The following TRAPPC9 variants were observed in gnomAD, a reference collection of about 807,000 sequenced individuals.
The protein encoded by TRAPPC9 is trafficking protein particle complex subunit 9, also known as IKK2 binding protein.
TRAPPC9 carries 83 observed loss-of-function variants against 124.0 expected under a neutral mutation model. The observed-to-expected ratio is 0.67, with a 90% CI of 0.56 to 0.80. TRAPPC9 has a LOEUF of 0.80. Ranked by LOEUF, TRAPPC9 falls within the 30% of genes least tolerant of loss-of-function variation. The pLI is 0.00. For synonymous variants in TRAPPC9, 638 were observed against 617.5 expected (o/e 1.03, Z -0.49); for missense variants, 1,302 against 1,508.3 (o/e 0.86, Z 2.27).
chr8:139,781,496 T>C (rs1279085482), intron 21 of TRAPPC9, among the ~76,000 whole-genome samples: 2 of 152,228 alleles, frequency 1.3e-5, no homozygotes, highest in Non-Finnish European at 1.5e-5. Context: ...AGGCAGAGAA[T>C]AGAGGACATT....
At chr8:140,180,961 T>C (rs2062187327) in intron 17 of TRAPPC9, among the ~76,000 whole-genome samples, 2 of 152,206 alleles carry the variant, frequency 1.3e-5, no homozygotes, top group South Asian at 4.1e-4. Flanking sequence ...GATGTACTTG[T>C]TCAATTTAAG....
rs5895629 is a variant in TRAPPC9, at chr8:139,971,816, T to TATACACAC, written c.2810+16909_2810+16910insGTGTGTAT. 2.1e-4 allele frequency among the ~76,000 whole-genome samples: 31 copies of TATACACAC among 145,846 alleles called. No homozygotes were observed. The East Asian group carries it at 2.8e-3, about 13-fold the overall frequency. On this transcript the variant is annotated intron_variant, in intron 19 of 22. Coordinates refer to ENST00000438773, the MANE Select transcript of TRAPPC9 (RefSeq NM_001160372.4). The stretch of plus-strand genomic sequence containing the variant: ...ACATATATATATACATATATATATA[T>TATACACAC]ACACACACACACACAATTTTTTTTT...
intron 17 of TRAPPC9, among the ~76,000 whole-genome samples, chr8:140,078,020 C>T (rs1843609398): frequency 6.6e-6 from 1 of 152,116 alleles, no homozygotes; most frequent in South Asian, 2.1e-4. Flanking sequence ...AAACCAGTAA[C>T]ACTAGTAGAA....
At chr8:140,011,199 G>T (rs999527860) in intron 18 of TRAPPC9, among the ~76,000 whole-genome samples, 1 of 151,844 alleles carries the variant, frequency 6.6e-6, no homozygotes, top group Non-Finnish European at 1.5e-5. Context: ...AATTAGCTGG[G>T]CGTGGTGAGG....
chr8:140,204,510 TATA>T (rs1430525950), intron 17 of TRAPPC9, among the ~76,000 whole-genome samples: 1 of 150,380 alleles, frequency 6.6e-6, no homozygotes, highest in Non-Finnish European at 1.5e-5. Flanking sequence ...CATTAGGAGA[TATA>T]CCTAATGTAA....
chr8:140,138,430 G>A (rs1267321553), intron 17 of TRAPPC9, among the ~76,000 whole-genome samples: 2 of 152,184 alleles, frequency 1.3e-5, no homozygotes, highest in East Asian at 3.8e-4. Flanking sequence ...TTAAGAAGGG[G>A]CTCGGGAGAG....
In TRAPPC9 at chr8:140,207,008, A is replaced by T. The variant is rs188184860; in HGVS notation, c.2556+14451T>A. The stretch of plus-strand genomic sequence containing the variant: ...GGAGCTTGAAGTCTAGTGGGGTGAC[A>T]GACAAGGACAGTGCCAACGACTCCG... On this transcript the variant is annotated intron_variant, in intron 17 of 22. Transcript: ENST00000438773. 1.1e-4 allele frequency among the ~76,000 whole-genome samples: 17 copies of T among 152,288 alleles called. No homozygotes were observed. The East Asian group carries it at 2.9e-3, about 26-fold the overall frequency.
chr8:139,844,954 G>C (rs952940543), intron 21 of TRAPPC9, among the ~76,000 whole-genome samples: 1 of 152,056 alleles, frequency 6.6e-6, no homozygotes, highest in Non-Finnish European at 1.5e-5. Context: ...GGCACATCCC[G>C]TGTCAGCAGC....
chr8:140,349,523 G>A (rs993174478), intron 9 of TRAPPC9, among the ~76,000 whole-genome samples: 1 of 152,170 alleles, frequency 6.6e-6, no homozygotes, highest in African/African-American at 2.4e-5. Flanking sequence ...CTTCAGAGCG[G>A]AAGGTTGCTT....
chr8:140,455,838 G>C (rs574048599), intron 1 of TRAPPC9, among the ~76,000 whole-genome samples: 1 of 152,318 alleles, frequency 6.6e-6, no homozygotes, highest in South Asian at 2.1e-4. Context: ...TTCAGCCACA[G>C]AAAGGAACAA....
At chr8:139,974,895 C>A (rs576564184) in intron 19 of TRAPPC9, among the ~76,000 whole-genome samples, 1 of 152,122 alleles carries the variant, frequency 6.6e-6, no homozygotes, top group South Asian at 2.1e-4. Flanking sequence ...GGGGCTGTAG[C>A]TCTGCCGAGG....
chr8:139,947,930 A>AGAGAGC (rs1261428260), intron 19 of TRAPPC9, among the ~76,000 whole-genome samples: 2 of 137,642 alleles, frequency 1.5e-5, no homozygotes, highest in East Asian at 2.1e-4. Context: ...AGAGCGAGAG[A>AGAGAGC]GAGAGAGAGA....
chr8:140,419,995 G>A (rs1157757629), intron 5 of TRAPPC9, among the ~76,000 whole-genome samples: 1 of 152,068 alleles, frequency 6.6e-6, no homozygotes, highest in Non-Finnish European at 1.5e-5. Context: ...TAAGAAATGA[G>A]TTCCACAAAT....
chr8:139,767,563 G>C (rs1820665480), intron 21 of TRAPPC9, among the ~76,000 whole-genome samples: 2 of 152,348 alleles, frequency 1.3e-5, no homozygotes, highest in African/African-American at 4.8e-5. Context: ...AAGGGGGAGG[G>C]AGAGAAGATT....
At chr8:139,789,648 G>A (rs1007993681) in intron 21 of TRAPPC9, among the ~76,000 whole-genome samples, 17 of 152,128 alleles carry the variant, frequency 1.1e-4, no homozygotes, top group Admixed American at 6.5e-4. Flanking sequence ...TCCCTCTTCC[G>A]GCCGTCCACA....
At chr8:140,245,655 A>G (rs930326787) in intron 16 of TRAPPC9, among the ~76,000 whole-genome samples, 1 of 152,102 alleles carries the variant, frequency 6.6e-6, no homozygotes, top group Admixed American at 6.5e-5. Flanking sequence ...GAGAGAACCA[A>G]TTCATGGACT....
intron 21 of TRAPPC9, among the ~76,000 whole-genome samples, chr8:139,848,102 C>G (rs1827215725): frequency 1.3e-5 from 2 of 152,180 alleles, no homozygotes; most frequent in Admixed American, 6.5e-5. Context: ...TTTCCATAAG[C>G]ATTGTAGGGA....
chr8:140,243,147 C>T (rs1257791025), intron 16 of TRAPPC9, among the ~76,000 whole-genome samples: 1 of 152,114 alleles, frequency 6.6e-6, no homozygotes, highest in African/African-American at 2.4e-5. Context: ...GAGGAATCTG[C>T]GTTTTAGCAA....
chr8:139,735,115 G>T (rs993973558), intron 21 of TRAPPC9, among the ~76,000 whole-genome samples: 3 of 152,204 alleles, frequency 2.0e-5, no homozygotes, highest in Admixed American at 6.5e-5. Flanking sequence ...TGTTCTCCCA[G>T]CTGGTCTGTC....
Sources: allele counts gnomAD v4.1 joint callset (sites outside exome capture counted in the v4.1 genomes callset), GRCh38; gene constraint gnomAD v4.1.1; transcripts MANE v1.5; gene names NCBI Gene and HGNC (gene_info 2026-07-23, HGNC 2026-07-21).